The following CRYL1 variants were observed in gnomAD, a reference collection of about 807,000 sequenced individuals.
The protein encoded by CRYL1 is lambda-crystallin homolog.
Under a neutral mutation model 36.6 loss-of-function variants are expected in CRYL1, and 29 were observed. The observed-to-expected ratio is 0.79, with a 90% CI of 0.59 to 1.08. The LOEUF (loss-of-function observed/expected upper bound fraction) is 1.08. Ranked by LOEUF, CRYL1 falls within the 50% of genes least tolerant of loss-of-function variation. CRYL1 has a pLI of 0.00. For missense variants in CRYL1, 411 were observed against 407.9 expected, an observed-to-expected ratio of 1.01 and a Z score of -0.06; for synonymous variants, 152 against 151.5, an observed-to-expected ratio of 1.00 and a Z score of -0.02.
intron 5 of CRYL1, chr13:20,427,295 A>C: frequency 5.1e-6 from 5 of 985,378 alleles, no homozygotes; most frequent in Non-Finnish European, 6.0e-6. Context: ...TCATCCCAAA[A>C]CTGAAGCCAA....
intron 3 of CRYL1, among the ~76,000 whole-genome samples, chr13:20,473,464 G>GCCTT (rs1293024515): frequency 2.6e-5 from 4 of 152,252 alleles, no homozygotes; most frequent in African/African-American, 9.6e-5. Flanking sequence ...CTCTGAACTG[G>GCCTT]CCTTCAGCTA....
chr13:20,486,108 T>C (rs574468700), intron 3 of CRYL1, among the ~76,000 whole-genome samples: 3 of 152,036 alleles, frequency 2.0e-5, no homozygotes, highest in Admixed American at 2.0e-4. Context: ...TCAGTAGAGA[T>C]GAGGTCTCAC....
chr13:20,503,882 T>G (rs1015224212), intron 2 of CRYL1, among the ~76,000 whole-genome samples: 6 of 152,166 alleles, frequency 3.9e-5, no homozygotes, highest in African/African-American at 1.4e-4. Context: ...AGAAATTCAG[T>G]CACTTAGGAG....
At chr13:20,492,525 G>GGCTGCCT (rs2033531902) in intron 2 of CRYL1, among the ~76,000 whole-genome samples, 1 of 152,094 alleles carries the variant, frequency 6.6e-6, no homozygotes, top group South Asian at 2.1e-4. Context: ...AGCTTCTAGA[G>GGCTGCCT]GCTGCCTGCA....
Position 20,525,402 on chromosome 13 carries a change from C to A in CRYL1, c.41+352G>T, listed in dbSNP as rs2034172564. ...CAGCCAGAATTCGTTTCATTCAACA[C>A]GGTGCCTGGCACTTCTATGTGGACC... On this transcript the variant is annotated intron_variant, in intron 1 of 7. Coordinates refer to ENST00000298248, the MANE Select transcript of CRYL1 (RefSeq NM_015974.3). This position sits in a 1 kb window ranked among gnomAD's most constrained non-coding sequence, Gnocchi z 4.3. Among the ~76,000 whole-genome samples, 1 of 152,232 alleles carries A rather than the reference C, an allele frequency of 6.6e-6. No homozygotes were observed. Among genetic ancestry groups the A allele is most frequent in the Admixed American group, 6.5e-5 (1 of 15,294 alleles).
chr13:20,444,436 A>G (rs1400185120), intron 3 of CRYL1, among the ~76,000 whole-genome samples: 1 of 151,802 alleles, frequency 6.6e-6, no homozygotes, highest in Non-Finnish European at 1.5e-5. Context: ...AGTTACAAGG[A>G]TTATTGTTGT....
At chr13:20,524,497 C>T (rs1282530305) in intron 1 of CRYL1, among the ~76,000 whole-genome samples, 1 of 152,082 alleles carries the variant, frequency 6.6e-6, no homozygotes. Context: ...CCTGCCTCAG[C>T]CTCCCGAGTA....
intron 2 of CRYL1, among the ~76,000 whole-genome samples, chr13:20,501,071 T>C (rs571653699): frequency 6.6e-6 from 1 of 152,290 alleles, no homozygotes; most frequent in South Asian, 2.1e-4. Context: ...TATAAACCCC[T>C]GATTTTAGGT....
At chr13:20,461,877 T>A (rs1369047514) in intron 3 of CRYL1, among the ~76,000 whole-genome samples, 1 of 149,852 alleles carries the variant, frequency 6.7e-6, no homozygotes, top group Non-Finnish European at 1.5e-5. Flanking sequence ...CAGGAGTGCT[T>A]TTGGGCCTCC....
At chr13:20,505,359 C>CAAAAA (rs61380702) in intron 2 of CRYL1, among the ~76,000 whole-genome samples, 4 of 91,200 alleles carry the variant, frequency 4.4e-5, no homozygotes, top group Admixed American at 1.2e-4. Context: ...TCTATCCCAC[C>CAAAAA]AAAAAAAAAA....
intron 3 of CRYL1, among the ~76,000 whole-genome samples, chr13:20,452,829 G>A (rs1248854926): frequency 1.3e-5 from 2 of 152,130 alleles, no homozygotes; most frequent in Non-Finnish European, 2.9e-5. Context: ...GGAAATCTCT[G>A]TCCCTTCTTC....
intron 4 of CRYL1, among the ~76,000 whole-genome samples, chr13:20,436,074 C>A (rs2032209218): frequency 6.6e-6 from 1 of 152,234 alleles, no homozygotes; most frequent in African/African-American, 2.4e-5. Context: ...AATACCAGGG[C>A]AGATGACTTC....
Position 20,512,444 on chromosome 13 carries a change from T to C in CRYL1, c.148A>G (p.Arg50Gly). The C allele has an allele frequency of 6.2e-7, 1 of 1,611,330 alleles. No homozygotes were observed. ...TCTGGAGAGCGCCGGCTGGCCCACC[T>C]GATGTTTTCCAGGGCGTTCCTTATC... is the stretch of plus-strand genomic sequence containing the variant. ...QQIRNALENI[R>G]KEMKLLEQAG... The change falls in exon 2 of 8, where the codon AGA becomes GGA. Residue 50 changes from arginine to glycine, a missense_variant and splice_region_variant. By Grantham distance (125) the Arg-to-Gly change is moderately radical. Coordinates refer to ENST00000298248, the MANE Select transcript of CRYL1 (RefSeq NM_015974.3).
rs192553782 is a variant in CRYL1, at chr13:20,508,278, A to C, written c.149+4165T>G. 5.3e-3 allele frequency among the ~76,000 whole-genome samples: 814 copies of C among 152,340 alleles called. 5 individuals carry two copies. Among genetic ancestry groups the C allele is most frequent in the Non-Finnish European group, 6.8e-3 (463 of 68,036 alleles). On this transcript the variant is annotated intron_variant, in intron 2 of 7. Coordinates refer to ENST00000298248, the MANE Select transcript of CRYL1 (RefSeq NM_015974.3). ...TCCAGGCCTCCTGAAAAGCCAGGAT[A>C]GCCCTCAAGGACAGAAGGAGAAGCA... is the stretch of plus-strand genomic sequence containing the variant.
rs188617888 is a variant in CRYL1 at position 20,491,345 on chromosome 13, C to G, written c.150-1849G>C. Among the ~76,000 whole-genome samples, 41 of 152,218 alleles carry G rather than the reference C, an allele frequency of 2.7e-4. No individual in the cohort carries two copies. In the East Asian group the frequency reaches 7.1e-3, roughly 27 times the overall value. On this transcript the variant is annotated intron_variant, in intron 2 of 7. Coordinates refer to ENST00000298248, the MANE Select transcript of CRYL1 (RefSeq NM_015974.3). ...CATAAAACAGCTATCTTATTTTGGA[C>G]AATTATAAGGACAAACATACTGATC...
intron 5 of CRYL1, chr13:20,430,810 C>A: frequency 1.0e-6 from 1 of 985,396 alleles, no homozygotes; most frequent in Non-Finnish European, 1.2e-6. Context: ...GGCAAGGAGT[C>A]TAAAGTTGTT....
intron 5 of CRYL1, among the ~76,000 whole-genome samples, chr13:20,424,948 A>T (rs989251119): frequency 7.9e-5 from 12 of 152,164 alleles, no homozygotes; most frequent in African/African-American, 2.9e-4. Flanking sequence ...CAGCTGAGGC[A>T]TGGTGCGGAG....
intron 3 of CRYL1, among the ~76,000 whole-genome samples, chr13:20,457,846 G>A (rs1490072156): frequency 3.3e-5 from 5 of 152,104 alleles, no homozygotes; most frequent in East Asian, 1.9e-4. Flanking sequence ...TTGTGGCCAC[G>A]GTTATTATCT....
chr13:20,509,965 T>C (rs988493793), intron 2 of CRYL1, among the ~76,000 whole-genome samples: 3 of 152,110 alleles, frequency 2.0e-5, no homozygotes, highest in African/African-American at 7.2e-5. Context: ...GGAGATACCA[T>C]TATTTGCCTA....
Sources: gnomAD v4.1 joint callset for allele counts (sites outside exome capture counted in the v4.1 genomes callset) on GRCh38, gnomAD v4.1.1 for gene constraint, Gnocchi (gnomAD v3.1) non-coding constraint, MANE v1.5 for transcripts, NCBI Gene and HGNC (gene_info 2026-07-23, HGNC 2026-07-21) for gene names.